AAAS: variants seen among roughly 807,000 people sequenced by gnomAD.
AAAS encodes the protein aladin.
In AAAS, 60 loss-of-function variants were observed where a neutral mutation model predicts 75.6. The ratio of observed to expected loss-of-function variants is 0.79; its 90% CI spans 0.64 to 0.98. The LOEUF is 0.98. AAAS is among the 50% of genes least tolerant of loss of function. The pLI is 0.00. For synonymous variants in AAAS, 271 were observed against 265.0 expected (o/e 1.02, Z -0.22); for missense variants, 658 against 686.9 (o/e 0.96, Z 0.47).
In AAAS at chr12:53,315,123, C is replaced by T. The variant is rs781341186; in HGVS notation, c.417G>A (p.Leu139=). Reference sequence around the variant, plus strand: ...TTGTGACTTGGGCAAATTCAGCGATCAGATCTTCGCTCCTGAGCTGTAAGA... The same window carrying T: ...TTGTGACTTGGGCAAATTCAGCGATTAGATCTTCGCTCCTGAGCTGTAAGA... The part of the protein sequence containing the change: ...FPHLSLRSED[L]IAEFAQVTNW... Residue 139 remains leucine, a synonymous_variant, in exon 5 of 16, where the codon CTG becomes CTA. Transcript: ENST00000209873. 1.2e-6 allele frequency: 2 copies of T among 1,614,050 alleles called. No individual in the cohort carries two copies. Among genetic ancestry groups the T allele is most frequent in the Non-Finnish European group, 1.7e-6 (2 of 1,180,038 alleles).
chr12:53,318,268 G>GTGTGTGTGTGTGTT (rs1454972071), intron 2 of AAAS, among the ~76,000 whole-genome samples: 7 of 149,300 alleles, frequency 4.7e-5, no homozygotes, highest in Admixed American at 6.7e-5. Flanking sequence ...GTGTGTGTGT[G>GTGTGTGTGTGTGTT]TGTGTTAAGA....
At chr12:53,318,326 G>A (rs760364600) in intron 2 of AAAS, among the ~76,000 whole-genome samples, 1 of 151,460 alleles carries the variant, frequency 6.6e-6, no homozygotes, top group Non-Finnish European at 1.5e-5. Flanking sequence ...GTGTGAACTC[G>A]GCTCACTGCA....
chr12:53,317,773 T>C (rs1592521647), intron 2 of AAAS, among the ~76,000 whole-genome samples: 1 of 149,716 alleles, frequency 6.7e-6, no homozygotes, highest in South Asian at 2.1e-4. Flanking sequence ...TTCAGGAACC[T>C]AGGAAAAAGG....
intron 2 of AAAS, among the ~76,000 whole-genome samples, chr12:53,319,152 G>A (rs944765824): frequency 3.2e-4 from 49 of 151,788 alleles, no homozygotes; most frequent in African/African-American, 1.2e-3. Flanking sequence ...TAATTTCTAG[G>A]AATTTATCCT....
rs1592510883 is a variant in AAAS, at chr12:53,307,651, A to G, written c.1479T>C (p.Arg493=). The G allele has an allele frequency of 2.5e-6, 4 of 1,614,160 alleles. No individual in the cohort carries two copies. The highest frequency in any genetic ancestry group is 3.4e-6 in the Non-Finnish European group (4 of 1,180,032). Reference sequence around the variant, plus strand: ...GGGCCCGCCCAAGCACTGGGCTAAAACGTGGAAACTGGGCATTGACAAAGT... The same window carrying G: ...GGGCCCGCCCAAGCACTGGGCTAAAGCGTGGAAACTGGGCATTGACAAAGT... ...PLYFVNAQFP[R]FSPVLGRAQE... Residue 493 remains arginine (R), a synonymous_variant, in exon 16 of 16, where the codon CGT becomes CGC. Coordinates refer to ENST00000209873, the MANE Select transcript of AAAS (RefSeq NM_015665.6).
intron 2 of AAAS, among the ~76,000 whole-genome samples, chr12:53,317,198 G>A (rs931795536): frequency 2.0e-5 from 3 of 152,170 alleles, no homozygotes; most frequent in African/African-American, 7.2e-5. Flanking sequence ...GCCAAGGCAG[G>A]TGGATCACGA....
At chr12:53,316,615 G>A (rs564646957) in intron 2 of AAAS, among the ~76,000 whole-genome samples, 1 of 151,536 alleles carries the variant, frequency 6.6e-6, no homozygotes, top group Non-Finnish European at 1.5e-5. Context: ...ATGAAAATTA[G>A]CCAGGTGTGG....
chr12:53,313,225 A>C (rs1289576151), intron 7 of AAAS, among the ~76,000 whole-genome samples: 1 of 126,326 alleles, frequency 7.9e-6, no homozygotes, highest in Admixed American at 9.2e-5. Flanking sequence ...CTGTAGTGGC[A>C]TGATGTCAAC....
Position 53,321,548 on chromosome 12 carries a change from G to C in AAAS, c.-83C>G. 6.2e-7 allele frequency: 1 copy of C among 1,605,714 alleles called. No homozygotes were observed. The highest frequency in any genetic ancestry group is 8.5e-7 in the Non-Finnish European group (1 of 1,178,442). On this transcript the variant is annotated 5_prime_UTR_variant, in exon 1 of 16. Transcript: ENST00000209873. ...CGCACTCCCGCAACTCGGTTCCCGG[G>C]CTAGATTCGTATGCGGACGGGTACC...
chr12:53,309,510 C>T (rs1944352484), intron 8 of AAAS, 91 bp downstream of exon 8: 1 of 1,602,392 alleles, frequency 6.2e-7, no homozygotes, highest in African/African-American at 1.3e-5. Flanking sequence ...GGACCAAGGT[C>T]CCTCCTCCTT....
In AAAS at chr12:53,315,791, G is replaced by GGAGGAAAATGTGGGTCAGCT; in HGVS notation, c.252-29_252-10dup. 6.2e-7 allele frequency: 1 copy of GGAGGAAAATGTGGGTCAGCT among 1,613,444 alleles called. No individual in the cohort carries two copies. ...AAAGGCCCACATCACGCCTGATAAGGGAGGAAAATGTGGGTCAGCTTACTC... is the reference window on the plus strand; with the variant it reads ...AAAGGCCCACATCACGCCTGATAAGGGAGGAAAATGTGGGTCAGCTGAGGAAAATGTGGGTCAGCTTACTC... On this transcript the variant is annotated splice_polypyrimidine_tract_variant and intron_variant, in intron 2 of 15. Coordinates refer to ENST00000209873, the MANE Select transcript of AAAS (RefSeq NM_015665.6).
At chr12:53,319,843 G>A (rs562648834) in intron 2 of AAAS, among the ~76,000 whole-genome samples, 118 of 147,788 alleles carry the variant, frequency 8.0e-4, no homozygotes, top group African/African-American at 2.7e-3. Flanking sequence ...AAAATGAGCC[G>A]GGCGCGGTGG....
chr12:53,307,796 C>CA (rs1944312895), intron 15 of AAAS, 49 bp downstream of exon 15: 2 of 1,612,944 alleles, frequency 1.2e-6, no homozygotes. Flanking sequence ...CCAAGGCCCT[C>CA]AGCTTCTCCA....
At chr12:53,319,981 G>A (rs551710503) in intron 2 of AAAS, among the ~76,000 whole-genome samples, 4 of 151,998 alleles carry the variant, frequency 2.6e-5, no homozygotes, top group African/African-American at 4.8e-5. Flanking sequence ...TTAGCTGGGC[G>A]TGGTGGCACA....
chr12:53,310,312 C>A (rs185518458), intron 7 of AAAS, among the ~76,000 whole-genome samples: 81 of 152,336 alleles, frequency 5.3e-4, no homozygotes, highest in African/African-American at 1.9e-3. Flanking sequence ...GTAATCCCAG[C>A]ACTTTGGGAG....
chr12:53,317,423 G>C (rs1035106718), intron 2 of AAAS, among the ~76,000 whole-genome samples: 2 of 152,082 alleles, frequency 1.3e-5, no homozygotes, highest in African/African-American at 4.8e-5. Context: ...CAGGTGTGGT[G>C]GTGGGCGCCT....
In AAAS at chr12:53,307,925, T is replaced by C. The variant is rs769301347; in HGVS notation, c.1336A>G (p.Ile446Val). Residue 446 changes from isoleucine to valine, a missense_variant, in exon 15 of 16, where the codon ATT becomes GTT. Physicochemically the swap from Ile to Val is conservative, Grantham distance 29. Transcript: ENST00000209873. ...SPVFELLPCG[I>V]IQGEPGAQPQ... ...TGGGCTCCTGGCTCCCCCTGGATAA[T>C]GCCACTAGAAGAAAAGGTGAGCAGG... The C allele has an allele frequency of 6.2e-7, 1 of 1,614,140 alleles. No individual in the cohort carries two copies. The highest frequency in any genetic ancestry group is 1.1e-5 in the South Asian group (1 of 91,076).
chr12:53,321,472 G>C lies in AAAS; in HGVS notation c.-7C>G. 1 of 1,614,020 alleles carries C rather than the reference G, an allele frequency of 6.2e-7. No homozygotes were observed. Among genetic ancestry groups the C allele is most frequent in the African/African-American group, 1.3e-5 (1 of 75,070 alleles). On this transcript the variant is annotated 5_prime_UTR_variant, in exon 1 of 16. Transcript: ENST00000209873. ...ACAACCCCAGAGAGCACATCTTGCC[G>C]GTTCGCAGGACGTCTGCAGTCGGCA... is the stretch of plus-strand genomic sequence containing the variant.
intron 2 of AAAS, among the ~76,000 whole-genome samples, chr12:53,316,621 T>C (rs1175780028): frequency 6.7e-6 from 1 of 150,184 alleles, no homozygotes; most frequent in Non-Finnish European, 1.5e-5. Context: ...ATTAGCCAGG[T>C]GTGGTGGTCC....
Sources: allele counts gnomAD v4.1 joint callset (sites outside exome capture counted in the v4.1 genomes callset), GRCh38; gene constraint gnomAD v4.1.1; transcripts MANE v1.5; gene names NCBI Gene and HGNC (gene_info 2026-07-23, HGNC 2026-07-21).